ZFC3H1: variants seen among roughly 807,000 people sequenced by gnomAD.
ZFC3H1 encodes zinc finger C3H1-type containing, also known as zinc finger C3H1 domain-containing protein.
Under a neutral mutation model 243.7 loss-of-function variants are expected in ZFC3H1, and 71 were observed. That is an observed-to-expected ratio of 0.29 (90% CI 0.24 to 0.36). The LOEUF (loss-of-function observed/expected upper bound fraction) is 0.36, where lower values mean the gene tolerates loss of function less well. ZFC3H1 is among the 10% of genes least tolerant of loss of function. The pLI, the probability that ZFC3H1 is intolerant of heterozygous loss-of-function variation, is 1.00. For missense variants in ZFC3H1, 1,966 were observed against 2,317.1 expected, an observed-to-expected ratio of 0.85 and a Z score of 3.11; for synonymous variants, 838 against 813.0, an observed-to-expected ratio of 1.03 and a Z score of -0.52.
Position 71,630,831 on chromosome 12 carries a change from A to G in ZFC3H1, c.3594T>C (p.Asp1198=), listed in dbSNP as rs1385492941. ...FDLTGTCNDD[D]CQWQHIQDYT... ...TCACAAAAACTACTCACCATTGACAATCATCATCATTACATGTTCCTGTTA... is the reference window on the plus strand; with the variant it reads ...TCACAAAAACTACTCACCATTGACAGTCATCATCATTACATGTTCCTGTTA... The change falls in exon 17 of 35, where the codon GAT becomes GAC. Residue 1198 remains aspartate (D), a synonymous_variant. Coordinates refer to ENST00000378743, the MANE Select transcript of ZFC3H1 (RefSeq NM_144982.5). The G allele has an allele frequency of 1.2e-6, 2 of 1,612,260 alleles. No individual in the cohort carries two copies. The highest frequency in any genetic ancestry group is 1.7e-6 in the Non-Finnish European group (2 of 1,179,212).
chr12:71,630,932 T>C lies in ZFC3H1; in HGVS notation c.3493A>G (p.Lys1165Glu). 6.2e-7 allele frequency: 1 copy of C among 1,612,174 alleles called. No individual in the cohort carries two copies. The highest frequency in any genetic ancestry group is 8.5e-7 in the Non-Finnish European group (1 of 1,178,680). The change falls in exon 17 of 35, where the codon AAG becomes GAG. Residue 1165 changes from lysine (K) to glutamate (E), a missense_variant. Lys to Glu is a moderately conservative substitution (Grantham distance 56). Coordinates refer to ENST00000378743, the MANE Select transcript of ZFC3H1 (RefSeq NM_144982.5). ...SYRFSPYYRT[K>E]EKLPLSSVSY... is the part of the protein sequence containing the mutation. ...ACTGAGCTCAGGGGAAGTTTTTCCT[T>C]GGTTCGATAATATGGACTAAATCTA...
Position 71,647,716 on chromosome 12 carries a change from C to T in ZFC3H1, c.1080+33G>A. The T allele has an allele frequency of 2.4e-6, 3 of 1,257,804 alleles. No homozygotes were observed. The South Asian group carries it at 4.1e-5, about 17-fold the overall frequency. The allele number at this position is 1,257,804 out of a possible 1,614,324, so 77.9% of individuals were successfully genotyped here. A position where few individuals can be genotyped will look rare whatever the true frequency, so the allele number is the denominator to read the frequency against. On this transcript the variant is annotated intron_variant, in intron 3 of 34. Coordinates refer to ENST00000378743, the MANE Select transcript of ZFC3H1 (RefSeq NM_144982.5). Reference sequence around the variant, plus strand: ...TAAAGCAATGCAAAAATGGGTCTTACAGAGATGATAGTCTCACAAAGCAGT... The same window carrying T: ...TAAAGCAATGCAAAAATGGGTCTTATAGAGATGATAGTCTCACAAAGCAGT...
rs748187435 is a variant in ZFC3H1 at position 71,614,875 on chromosome 12, C to A, written c.5319G>T (p.Gly1773=). ...ETVEAYEAAL[G]VAMRCDIVQK... is the part of the protein sequence containing the mutation. The stretch of plus-strand genomic sequence containing the variant: ...GTACTATATCACATCTCATAGCCAC[C>A]CCTAATGCTGCCTCATATGCCTCCA... Residue 1773 remains glycine (G), a synonymous_variant, in exon 29 of 35, where the codon GGG becomes GGT. Coordinates refer to ENST00000378743, the MANE Select transcript of ZFC3H1 (RefSeq NM_144982.5). 1.2e-6 allele frequency: 2 copies of A among 1,613,852 alleles called. No homozygotes were observed. The highest frequency in any genetic ancestry group is 1.7e-6 in the Non-Finnish European group (2 of 1,179,830).
In ZFC3H1 at chr12:71,644,076, A is replaced by G. The variant is rs760600941; in HGVS notation, c.1503+19T>C. 1.9e-6 allele frequency: 3 copies of G among 1,594,412 alleles called. No individual in the cohort carries two copies. The highest frequency in any genetic ancestry group is 3.4e-5 in the Admixed American group (2 of 58,880). ...AAACTTAGAGTAACGTTTTGATTTT[A>G]TATTTTTGCATTTCTTACTTTACTT... On this transcript the variant is annotated intron_variant, in intron 5 of 34. Coordinates refer to ENST00000378743, the MANE Select transcript of ZFC3H1 (RefSeq NM_144982.5).
chr12:71,638,316 T>A (rs1351342034), intron 7 of ZFC3H1, 102 bp downstream of exon 7: 8 of 1,126,422 alleles, frequency 7.1e-6, no homozygotes, highest in Admixed American at 2.5e-5. Context: ...TGGTAAGCAA[T>A]TCTGATTTTT....
intron 2 of ZFC3H1, among the ~76,000 whole-genome samples, chr12:71,648,191 T>C (rs1880775062): frequency 6.6e-6 from 1 of 152,214 alleles, no homozygotes; most frequent in Non-Finnish European, 1.5e-5. Flanking sequence ...ACTAAATTAA[T>C]CCAGTCCTCT....
At chr12:71,626,743 C>A (rs1050739734) in intron 21 of ZFC3H1, among the ~76,000 whole-genome samples, 5 of 152,164 alleles carry the variant, frequency 3.3e-5, no homozygotes, top group Non-Finnish European at 7.3e-5. Context: ...TGCTTTATGT[C>A]CATATTCAGC....
In ZFC3H1 at chr12:71,663,431, C is replaced by A; in HGVS notation, c.180G>T (p.Ser60=). 1 of 1,611,944 alleles carries A rather than the reference C, an allele frequency of 6.2e-7. No individual in the cohort carries two copies. Among genetic ancestry groups the A allele is most frequent in the South Asian group, 1.1e-5 (1 of 91,088 alleles). ...CTCCGCCAGATCCACCGCCCCGGGC[C>A]GAGTGAGGAGGCCTTCGCCGCGGAT... ...LPYPRRRPPH[S]ARGGGSGGGG... Residue 60 remains serine (S), a synonymous_variant, in exon 1 of 35, where the codon TCG becomes TCT. Transcript: ENST00000378743.
At chr12:71,660,799 AC>A (rs1253985479) in intron 1 of ZFC3H1, among the ~76,000 whole-genome samples, 1 of 152,010 alleles carries the variant, frequency 6.6e-6, no homozygotes, top group Non-Finnish European at 1.5e-5. Flanking sequence ...AATACAAACT[AC>A]AGGTTTCATC....
chr12:71,645,994 G>C (rs1236556114), intron 3 of ZFC3H1, among the ~76,000 whole-genome samples: 1 of 152,112 alleles, frequency 6.6e-6, no homozygotes, highest in Non-Finnish European at 1.5e-5. Context: ...GAAAGGAAGA[G>C]TCAAAAAAGA....
rs752762374 is a variant in ZFC3H1 at position 71,613,453 on chromosome 12, G to A, written c.5527-18C>T. ...AAAATAACCTGTAAAGGTTGAGGGG[G>A]GCGAAAAATGAATGCAACCAAAATG... On this transcript the variant is annotated intron_variant, in intron 30 of 34. Coordinates refer to ENST00000378743, the MANE Select transcript of ZFC3H1 (RefSeq NM_144982.5). 10 of 1,540,028 alleles carry A rather than the reference G, an allele frequency of 6.5e-6. No individual in the cohort carries two copies. The highest frequency in any genetic ancestry group is 2.4e-5 in the South Asian group (2 of 81,850).
intron 13 of ZFC3H1, 58 bp downstream of exon 13, chr12:71,633,206 A>G: frequency 6.7e-7 from 1 of 1,492,204 alleles, no homozygotes; most frequent in South Asian, 1.4e-5. Context: ...TCTTACAGAA[A>G]ATTTGGCCTA....
At chr12:71,626,233 C>CAT (rs985768731) in intron 22 of ZFC3H1, 27 bp downstream of exon 22, 1 of 1,609,762 alleles carries the variant, frequency 6.2e-7, no homozygotes, top group African/African-American at 1.3e-5. Context: ...CACACACACA[C>CAT]ACACGTACGT....
chr12:71,644,840 C>T, intron 4 of ZFC3H1, 37 bp downstream of exon 4: 1 of 1,588,528 alleles, frequency 6.3e-7, no homozygotes, highest in East Asian at 2.2e-5. Flanking sequence ...GAAAAGAAAA[C>T]AAAACAAAAA....
At chr12:71,612,851 C>T (rs188536642) in intron 31 of ZFC3H1, among the ~76,000 whole-genome samples, 270 of 152,194 alleles carry the variant, frequency 1.8e-3, no homozygotes, top group Middle Eastern at 6.8e-3. Flanking sequence ...TCGTTCTGAT[C>T]GAATATATGA....
At chr12:71,626,948 G>C (rs1479894076) in intron 21 of ZFC3H1, among the ~76,000 whole-genome samples, 2 of 151,990 alleles carry the variant, frequency 1.3e-5, no homozygotes, top group East Asian at 3.9e-4. Context: ...GGTTCTTTTG[G>C]CCTTCACTCA....
intron 31 of ZFC3H1, among the ~76,000 whole-genome samples, chr12:71,612,295 A>G (rs983519543): frequency 5.9e-5 from 9 of 152,126 alleles, no homozygotes; most frequent in Non-Finnish European, 5.9e-5. Context: ...AGTAACTATT[A>G]AAGTTCTTTA....
chr12:71,636,753 T>C, intron 8 of ZFC3H1, 97 bp downstream of exon 8: 1 of 1,555,684 alleles, frequency 6.4e-7, no homozygotes, highest in Non-Finnish European at 8.7e-7. Context: ...CCCACTTTGC[T>C]GAAAAGCCCA....
At position 71,637,504 on chromosome 12, in the gene ZFC3H1, T is replaced by A. The variant is rs185591175; in HGVS notation, c.1726-445A>T. 2.0e-5 allele frequency among the ~76,000 whole-genome samples: 3 copies of A among 152,286 alleles called. No homozygotes were observed. The East Asian group carries it at 5.8e-4, about 29-fold the overall frequency. Reference sequence around the variant, plus strand: ...TGAATAATAGTCCAGAGTACTTTAATCATTAATTAAGTATCAAGAAGAATC... The same window carrying A: ...TGAATAATAGTCCAGAGTACTTTAAACATTAATTAAGTATCAAGAAGAATC... On this transcript the variant is annotated intron_variant, in intron 7 of 34. Transcript: ENST00000378743.
Sources: allele counts gnomAD v4.1 joint callset (sites outside exome capture counted in the v4.1 genomes callset), GRCh38; gene constraint gnomAD v4.1.1; transcripts MANE v1.5; gene names NCBI Gene and HGNC (gene_info 2026-07-23, HGNC 2026-07-21).